DPF3: variants seen among roughly 807,000 people sequenced by gnomAD.
DPF3 encodes the protein double PHD fingers 3.
In DPF3, 18 loss-of-function variants were observed where a neutral mutation model predicts 56.8. The observed-to-expected ratio is 0.32, with a 90% confidence interval of 0.22 to 0.47. The LOEUF is 0.47. Ranked by LOEUF, DPF3 falls within the 20% of genes least tolerant of loss-of-function variation. DPF3 has a pLI of 1.00. For missense variants in DPF3, 403 were observed against 488.8 expected, an observed-to-expected ratio of 0.82 and a Z score of 1.65; for synonymous variants, 188 against 180.2, an observed-to-expected ratio of 1.04 and a Z score of -0.35.
chr14:72,805,069 A>ACACACACACACACACACACAC (rs1599457315), intron 1 of DPF3, among the ~76,000 whole-genome samples: 25 of 22,214 alleles, frequency 1.1e-3, no homozygotes, highest in Admixed American at 5.4e-3. Context: ...CACACACACA[A>ACACACACACACACACACACAC]ACACACAGAC....
Position 72,611,603 on chromosome 14 carries a change from C to T in DPF3, c.*7694G>A, listed in dbSNP as rs1391560436. On this transcript the variant is annotated 3_prime_UTR_variant, in exon 11 of 11. Transcript: ENST00000556509. ...GCCTCTGATCAGGCCCTGCCAGTTG[C>T]ACCTCCCTGCCTTCCACCCCAGAAA... Among the ~76,000 whole-genome samples the T allele has an allele frequency of 6.6e-6, 1 of 152,156 alleles. No individual in the cohort carries two copies. Among genetic ancestry groups the T allele is most frequent in the East Asian group, 1.9e-4 (1 of 5,176 alleles).
rs200457875 is a variant in DPF3, at chr14:72,807,515, A to AACAAACCACTAAGG, written c.33-35623_33-35622insCCTTAGTGGTTTGT. Among the ~76,000 whole-genome samples the AACAAACCACTAAGG allele has an allele frequency of 5.8e-3, 884 of 152,292 alleles. 8 individuals are homozygous for AACAAACCACTAAGG. The highest frequency in any genetic ancestry group is 0.02 in the African/African-American group (842 of 41,548). On this transcript the variant is annotated intron_variant, in intron 1 of 10. Coordinates refer to ENST00000556509, the MANE Select transcript of DPF3 (RefSeq NM_001280542.3). ...GAGGGCCCTTTGACAACACCTAAAAAACAAACCACTAAACTTTCAGTTTTT... is the reference window on the plus strand; with the variant it reads ...GAGGGCCCTTTGACAACACCTAAAAAACAAACCACTAAGGACAAACCACTAAACTTTCAGTTTTT...
At chr14:72,620,491 G>A (rs753399334) in intron 9 of DPF3, among the ~76,000 whole-genome samples, 5 of 152,290 alleles carry the variant, frequency 3.3e-5, no homozygotes, top group Non-Finnish European at 5.9e-5. Context: ...TGCAAGTAGC[G>A]CCATCCCTCG....
At chr14:72,879,379 CAAA>C (rs777339050) in intron 1 of DPF3, among the ~76,000 whole-genome samples, 4 of 114,344 alleles carry the variant, frequency 3.5e-5, no homozygotes, top group Non-Finnish European at 6.0e-5. Flanking sequence ...ATTCCATCTC[CAAA>C]AAAAAAAAAA....
In DPF3 at chr14:72,611,374, G is replaced by A. The variant is rs566416994; in HGVS notation, c.*7923C>T. Among the ~76,000 whole-genome samples, 1 of 152,330 alleles carries A rather than the reference G, an allele frequency of 6.6e-6. No individual in the cohort carries two copies. Among genetic ancestry groups the A allele is most frequent in the South Asian group, 2.1e-4 (1 of 4,822 alleles). The stretch of plus-strand genomic sequence containing the variant: ...GGATCTGACAAGCACCTGGCCAAAG[G>A]TGAGCATGGAAGGTTTGCTGAAAAC... On this transcript the variant is annotated 3_prime_UTR_variant, in exon 11 of 11. Coordinates refer to ENST00000556509, the MANE Select transcript of DPF3 (RefSeq NM_001280542.3).
chr14:72,876,124 C>T (rs951983761), intron 1 of DPF3, among the ~76,000 whole-genome samples: 1 of 152,218 alleles, frequency 6.6e-6, no homozygotes, highest in African/African-American at 2.4e-5. Context: ...CATTTGGGTC[C>T]ACTGCTCAGG....
intron 1 of DPF3, among the ~76,000 whole-genome samples, chr14:72,863,856 A>G (rs747763795): frequency 1.3e-5 from 2 of 152,214 alleles, no homozygotes; most frequent in Non-Finnish European, 2.9e-5. Context: ...TGTTCTGCCT[A>G]GAAAGAAGTC....
At chr14:72,831,751 T>C (rs1455223789) in intron 1 of DPF3, among the ~76,000 whole-genome samples, 1 of 152,230 alleles carries the variant, frequency 6.6e-6, no homozygotes, top group East Asian at 1.9e-4. Flanking sequence ...ATCTCACTTT[T>C]CCTGAAAATA....
chr14:72,718,747 G>GA (rs1889038877), intron 5 of DPF3, among the ~76,000 whole-genome samples: 1 of 141,912 alleles, frequency 7.0e-6, no homozygotes, highest in Non-Finnish European at 1.5e-5. Flanking sequence ...AAAAAATTGA[G>GA]AACCACTGCT....
At chr14:72,666,820 TCTC>T (rs147705525) in intron 8 of DPF3, among the ~76,000 whole-genome samples, 1 of 152,130 alleles carries the variant, frequency 6.6e-6, no homozygotes, top group African/African-American at 2.4e-5. Context: ...ACAAGTCACT[TCTC>T]CTCCAAAGGC....
intron 8 of DPF3, among the ~76,000 whole-genome samples, chr14:72,656,715 T>C (rs1023464352): frequency 7.9e-5 from 12 of 152,210 alleles, no homozygotes; most frequent in African/African-American, 2.9e-4. Flanking sequence ...GAAACAGATA[T>C]TTAACCTGCT....
intron 1 of DPF3, among the ~76,000 whole-genome samples, chr14:72,797,759 T>C (rs1292499832): frequency 6.6e-6 from 1 of 152,190 alleles, no homozygotes. Flanking sequence ...GATGTGGTGA[T>C]CGAAAACTAG....
At chr14:72,640,993 C>G (rs1885545580) in intron 8 of DPF3, among the ~76,000 whole-genome samples, 1 of 152,026 alleles carries the variant, frequency 6.6e-6, no homozygotes, top group African/African-American at 2.4e-5. Flanking sequence ...GAAGAGAGTC[C>G]ACTGAGAAAG....
chr14:72,643,558 T>G (rs957967396), intron 8 of DPF3, among the ~76,000 whole-genome samples: 7 of 152,246 alleles, frequency 4.6e-5, no homozygotes, highest in Admixed American at 3.9e-4. Context: ...CTTCGGCTCC[T>G]GACAGAAGCT....
chr14:72,890,501 G>GATAATAATAATAATAATAATA (rs58089317), intron 1 of DPF3, among the ~76,000 whole-genome samples: 19,549 of 146,222 alleles, frequency 0.13, 1,491 homozygotes, highest in East Asian at 0.24. Flanking sequence ...AAAAAATAAT[G>GATAATAATAATAATAATAATA]ATAATAATAA....
chr14:72,861,753 A>AAGAAAGAAAGAAAG (rs1885429770), intron 1 of DPF3, among the ~76,000 whole-genome samples: 2 of 142,922 alleles, frequency 1.4e-5, no homozygotes, highest in African/African-American at 5.6e-5. Context: ...GAAAGAAAGA[A>AAGAAAGAAAGAAAG]AGAAAGAAAG....
chr14:72,892,400 G>A (rs1886788481), intron 1 of DPF3: 1 of 1,505,684 alleles, frequency 6.6e-7, no homozygotes, highest in Admixed American at 2.1e-5. Flanking sequence ...GAGCTTCCGA[G>A]CCAGAACTGA....
chr14:72,646,060 C>A (rs867467812), intron 8 of DPF3, among the ~76,000 whole-genome samples: 46 of 152,330 alleles, frequency 3.0e-4, no homozygotes, highest in African/African-American at 1.0e-3. Context: ...AGATGCACTT[C>A]TCTAAACTCA....
At chr14:72,890,227 A>T (rs1417631744) in intron 1 of DPF3, among the ~76,000 whole-genome samples, 2 of 152,090 alleles carry the variant, frequency 1.3e-5, no homozygotes, top group Non-Finnish European at 2.9e-5. Flanking sequence ...ATCGTGGCTC[A>T]CTCCTATAAT....
Sources: gnomAD v4.1 joint callset for allele counts (sites outside exome capture counted in the v4.1 genomes callset) on GRCh38, gnomAD v4.1.1 for gene constraint, MANE v1.5 for transcripts, NCBI Gene and HGNC (gene_info 2026-07-23, HGNC 2026-07-21) for gene names.